Variants in RHPN2 observed in about 807,000 individuals in gnomAD.
RHPN2 encodes the protein rhophilin Rho GTPase binding protein 2.
Under a neutral mutation model 79.0 loss-of-function variants are expected in RHPN2, and 40 were observed. That is an observed-to-expected ratio of 0.51 (90% CI 0.39 to 0.66). The LOEUF (loss-of-function observed/expected upper bound fraction) is 0.66. RHPN2 is among the 30% of genes least tolerant of loss of function. RHPN2 has a pLI of 0.00. For missense variants in RHPN2, 686 were observed against 883.5 expected (o/e 0.78, Z 2.83); for synonymous variants, 285 against 363.5 (o/e 0.78, Z 2.46).
At chr19:33,044,991 G>C (rs570380112) in intron 1 of RHPN2, among the ~76,000 whole-genome samples, 1 of 151,552 alleles carries the variant, frequency 6.6e-6, no homozygotes, top group Admixed American at 6.6e-5. Flanking sequence ...CATCCTCCAG[G>C]ACAGAAAGGC....
At position 32,979,995 on chromosome 19, in the gene RHPN2, A is replaced by G. The variant is rs369819978; in HGVS notation, c.*1T>C. The G allele has an allele frequency of 5.0e-6, 8 of 1,613,806 alleles. No individual in the cohort carries two copies. The African/African-American group carries it at 6.7e-5, about 13-fold the overall frequency. On this transcript the variant is annotated 3_prime_UTR_variant, in exon 15 of 15. Transcript: ENST00000254260. ...GGCCTGAACATGTTTGTTTCCTCAC[A>G]TTAGTACCAAGAACTGTCTGAGTTG... is the stretch of plus-strand genomic sequence containing the variant.
intron 6 of RHPN2, among the ~76,000 whole-genome samples, chr19:33,010,953 C>T (rs8110328): frequency 0.49 from 74,682 of 152,018 alleles, 18,391 homozygotes; most frequent in Non-Finnish European, 0.52. Flanking sequence ...AAAGTGTTGG[C>T]ATTACAGGTG....
intron 1 of RHPN2, among the ~76,000 whole-genome samples, chr19:33,062,434 C>G (rs571375015): frequency 3.3e-5 from 5 of 151,646 alleles, no homozygotes; most frequent in African/African-American, 4.8e-5. Context: ...TGCACTCCAG[C>G]CTGGGTGACA....
chr19:33,019,385 A>T (rs7246676), intron 4 of RHPN2, among the ~76,000 whole-genome samples: 19,783 of 151,648 alleles, frequency 0.13, 1,482 homozygotes, highest in African/African-American at 0.22. Context: ...TTCGAGACCC[A>T]CCTGACCAAC....
chr19:33,027,812 A>G (rs8112217), intron 2 of RHPN2, among the ~76,000 whole-genome samples: 13,300 of 152,180 alleles, frequency 0.087, 720 homozygotes, highest in South Asian at 0.23. Context: ...TCCATCACAG[A>G]TTCATAATAA....
At chr19:33,063,095 G>A (rs545370796) in intron 1 of RHPN2, among the ~76,000 whole-genome samples, 9 of 152,176 alleles carry the variant, frequency 5.9e-5, no homozygotes, top group Admixed American at 2.0e-4. Flanking sequence ...GCAATTTTGT[G>A]GGAGTGGCAG....
At chr19:33,009,535 C>T (rs1321774145) in intron 6 of RHPN2, among the ~76,000 whole-genome samples, 3 of 152,162 alleles carry the variant, frequency 2.0e-5, no homozygotes, top group African/African-American at 7.2e-5. Context: ...ACTGCAGCCT[C>T]AACCTCCTGG....
In RHPN2 at chr19:32,996,145, C is replaced by T. The variant is rs749317155; in HGVS notation, c.1301G>A (p.Arg434Gln). The T allele has an allele frequency of 6.2e-6, 10 of 1,614,034 alleles. No homozygotes were observed. The East Asian group carries it at 6.7e-5, about 11-fold the overall frequency. Residue 434 changes from arginine (R) to glutamine (Q), a missense_variant, in exon 11 of 15, where the codon CGG (arginine) becomes CAG (glutamine). By Grantham distance (43) the Arg-to-Gln change is conservative (BLOSUM62 1). Transcript: ENST00000254260. ...CACCTTCTGTAGCACCTCAATGCTC[C>T]GCAGCTTCTTGCAGAGGCTGGCCTC... ...VREASLCKKL[R>Q]SIEVLQKVLC...
chr19:32,998,725 GAAAGAAT>G (rs990539799), intron 10 of RHPN2, among the ~76,000 whole-genome samples: 3 of 145,026 alleles, frequency 2.1e-5, no homozygotes, highest in African/African-American at 5.1e-5. Flanking sequence ...AGGAAAGAAG[GAAAGAAT>G]AAAGGAGAGA....
chr19:33,048,234 T>G (rs1313989270), intron 1 of RHPN2, among the ~76,000 whole-genome samples: 1 of 151,674 alleles, frequency 6.6e-6, no homozygotes, highest in Non-Finnish European at 1.5e-5. Context: ...CTTTCTATTT[T>G]TAGTAGAGAT....
chr19:33,006,223 G>C (rs1378462739), intron 7 of RHPN2, among the ~76,000 whole-genome samples: 6 of 151,974 alleles, frequency 3.9e-5, no homozygotes, highest in African/African-American at 1.5e-4. Flanking sequence ...TAGGGATGGA[G>C]TCTTACTCTG....
intron 6 of RHPN2, 64 bp downstream of exon 6, chr19:33,011,615 C>T (rs1971835903): frequency 1.2e-6 from 2 of 1,612,324 alleles, no homozygotes; most frequent in Admixed American, 1.7e-5. Context: ...GTCTGTGATG[C>T]TGAGGCTCCA....
intron 9 of RHPN2, 138 bp from the exon 10 acceptor site, chr19:32,999,843 C>G: frequency 9.0e-7 from 1 of 1,105,848 alleles, no homozygotes; most frequent in South Asian, 1.3e-5. Flanking sequence ...TCCTTTCTGC[C>G]CCCGGACACA....
chr19:32,993,963 A>G lies in RHPN2; in HGVS notation c.1497+14T>C. 1 of 1,581,734 alleles carries G rather than the reference A, an allele frequency of 6.3e-7. No individual in the cohort carries two copies. The highest frequency in any genetic ancestry group is 1.3e-5 in the African/African-American group (1 of 74,400). ...CCCCTTAGGTCATTTGAATGTAGAG[A>G]GCATTCAACATACCAGCTTCTGGAA... On this transcript the variant is annotated intron_variant, in intron 12 of 14. Coordinates refer to ENST00000254260, the MANE Select transcript of RHPN2 (RefSeq NM_033103.5).
At chr19:32,981,417 A>AGGGGC in intron 14 of RHPN2, among the ~76,000 whole-genome samples, 1 of 42,388 alleles carries the variant, frequency 2.4e-5, no homozygotes, top group South Asian at 1.5e-3. Context: ...ATAAAAAAAA[A>AGGGGC]GGGGGGGGGC....
rs552495934 is a variant in RHPN2, at chr19:33,051,883, C to T, written c.70-7519G>A. On this transcript the variant is annotated intron_variant, in intron 1 of 14. Transcript: ENST00000254260. ...CAAAAAATACAAAACTTAGCCCAGG[C>T]GTGGTGGCGTGTGTCTATAGTCCCA... Among the ~76,000 whole-genome samples, 14 of 150,814 alleles carry T rather than the reference C, an allele frequency of 9.3e-5. No individual in the cohort carries two copies. In the South Asian group the frequency reaches 2.7e-3, roughly 29 times the overall value.
chr19:33,002,594 C>G (rs1971758640), intron 8 of RHPN2, among the ~76,000 whole-genome samples, 191 bp from the exon 9 acceptor site: 2 of 152,142 alleles, frequency 1.3e-5, no homozygotes, highest in African/African-American at 4.8e-5. Context: ...AGGCTGCTGT[C>G]ATTATGCTGG....
At chr19:32,981,416 A>AGG (rs1311728566) in intron 14 of RHPN2, among the ~76,000 whole-genome samples, 1 of 15,896 alleles carries the variant, frequency 6.3e-5, no homozygotes, top group East Asian at 0.026. Flanking sequence ...AATAAAAAAA[A>AGG]AGGGGGGGGG....
At chr19:33,018,165 A>G (rs1971893117) in intron 4 of RHPN2, among the ~76,000 whole-genome samples, 1 of 151,634 alleles carries the variant, frequency 6.6e-6, no homozygotes, top group South Asian at 2.1e-4. Context: ...AAATATATAT[A>G]TACACACACA....
Sources: allele counts gnomAD v4.1 joint callset (sites outside exome capture counted in the v4.1 genomes callset), GRCh38; gene constraint gnomAD v4.1.1; transcripts MANE v1.5; gene names NCBI Gene and HGNC (gene_info 2026-07-23, HGNC 2026-07-21).